NRG1: variants seen among roughly 807,000 people sequenced by gnomAD.
The protein encoded by NRG1 is neuregulin 1.
A neutral mutation model predicts 63.8 loss-of-function variants in NRG1; 18 were observed. The observed-to-expected ratio is 0.28, with a 90% CI of 0.19 to 0.42. The LOEUF is 0.42. Among genes scored for constraint, NRG1 ranks in the 10% least tolerant of loss-of-function variants. The pLI, the probability that NRG1 is intolerant of heterozygous loss-of-function variation, is 1.00. For missense variants in NRG1, 762 were observed against 814.7 expected, an observed-to-expected ratio of 0.94 and a Z score of 0.79; for synonymous variants, 302 against 301.3, an observed-to-expected ratio of 1.00 and a Z score of -0.02.
At chr8:32,352,479 C>CTTTTCTTTGAGAA (rs1805736045) in intron 1 of NRG1, among the ~76,000 whole-genome samples, 1 of 149,210 alleles carries the variant, frequency 6.7e-6, no homozygotes, top group Non-Finnish European at 1.5e-5. Context: ...CTAAAGCCTT[C>CTTTTCTTTGAGAA]AAGACCCAAA....
At chr8:32,190,993 C>T (rs1842438419) in intron 1 of NRG1, among the ~76,000 whole-genome samples, 4 of 152,174 alleles carry the variant, frequency 2.6e-5, no homozygotes, top group Admixed American at 2.6e-4. Flanking sequence ...CATCCATTTG[C>T]TCCAGTTGGA....
intron 1 of NRG1, among the ~76,000 whole-genome samples, chr8:31,708,917 T>G (rs1210602209): frequency 6.6e-6 from 1 of 152,200 alleles, no homozygotes; most frequent in Non-Finnish European, 1.5e-5. Flanking sequence ...CACCAAAAAC[T>G]TAAGTACTAA....
At chr8:32,099,951 T>G (rs1830357859) in intron 1 of NRG1, among the ~76,000 whole-genome samples, 1 of 152,072 alleles carries the variant, frequency 6.6e-6, no homozygotes, top group Non-Finnish European at 1.5e-5. Flanking sequence ...CTGGAGGGGC[T>G]AACAGAGTAT....
At chr8:32,754,471 C>T (rs1230519077) in exon 8 of NRG1, 1 of 1,613,668 alleles carries the variant, frequency 6.2e-7, no homozygotes. Flanking sequence ...TACTGCAAAA[C>T]CAAGTAAACC....
chr8:32,047,848 A>T (rs546007508), intron 1 of NRG1, among the ~76,000 whole-genome samples: 1 of 151,982 alleles, frequency 6.6e-6, no homozygotes, highest in South Asian at 2.1e-4. Flanking sequence ...TGGTACAATA[A>T]ATATCTGTAA....
intron 1 of NRG1, among the ~76,000 whole-genome samples, chr8:31,707,909 G>T (rs1032373912): frequency 1.3e-5 from 2 of 152,120 alleles, no homozygotes; most frequent in Admixed American, 6.6e-5. Flanking sequence ...TAATTTGGTT[G>T]TAACTCGTCT....
At chr8:32,318,286 A>AT (rs1277836678) in intron 1 of NRG1, among the ~76,000 whole-genome samples, 1 of 152,034 alleles carries the variant, frequency 6.6e-6, no homozygotes, top group Non-Finnish European at 1.5e-5. Context: ...GAATTTCATT[A>AT]TTTTTTCTTG....
intron 1 of NRG1, among the ~76,000 whole-genome samples, chr8:31,710,193 G>A (rs1811601672): frequency 1.3e-5 from 2 of 151,648 alleles, no homozygotes; most frequent in African/African-American, 2.4e-5. Context: ...AAATTACCAT[G>A]AGAAAATTTT....
chr8:32,159,490 C>T (rs957369445), intron 1 of NRG1, among the ~76,000 whole-genome samples: 4 of 146,948 alleles, frequency 2.7e-5, no homozygotes, highest in African/African-American at 5.2e-5. Flanking sequence ...GCCGAGATTG[C>T]GCCACTGCAG....
chr8:32,287,914 T>G (rs1017745481), intron 1 of NRG1, among the ~76,000 whole-genome samples: 3 of 152,212 alleles, frequency 2.0e-5, no homozygotes, highest in Non-Finnish European at 4.4e-5. Flanking sequence ...TGACAATTTC[T>G]GAAGGAAATA....
At chr8:32,225,926 C>A (rs965157089) in intron 1 of NRG1, among the ~76,000 whole-genome samples, 1 of 152,076 alleles carries the variant, frequency 6.6e-6, no homozygotes, top group Non-Finnish European at 1.5e-5. Flanking sequence ...TTATTTTTAG[C>A]TCTCCTGAGT....
At chr8:32,524,927 G>A (rs1181508256) in intron 1 of NRG1, among the ~76,000 whole-genome samples, 18 of 152,096 alleles carry the variant, frequency 1.2e-4, no homozygotes, top group Non-Finnish European at 1.5e-5. Flanking sequence ...ATTTATCAAC[G>A]AAATCACTGG....
chr8:32,696,267 C>T (rs1042383151), intron 5 of NRG1, among the ~76,000 whole-genome samples: 2 of 152,164 alleles, frequency 1.3e-5, no homozygotes, highest in Non-Finnish European at 2.9e-5. Context: ...TGTTATGATC[C>T]TTTTCACTTT....
intron 1 of NRG1, among the ~76,000 whole-genome samples, chr8:32,038,504 A>G (rs1353707479): frequency 6.6e-6 from 1 of 152,054 alleles, no homozygotes; most frequent in Non-Finnish European, 1.5e-5. Flanking sequence ...ATATGAAAGT[A>G]TGTATCATGG....
intron 1 of NRG1, among the ~76,000 whole-genome samples, chr8:31,845,142 T>TAAATAAATAAAA (rs1554550182): frequency 6.6e-6 from 1 of 151,630 alleles, no homozygotes; most frequent in Non-Finnish European, 1.5e-5. Flanking sequence ...AATAAATAAA[T>TAAATAAATAAAA]AAAACAGCAA....
Position 32,608,332 on chromosome 8 carries a change from G to A in NRG1, c.400+2649G>A, listed in dbSNP as rs115265777. Among the ~76,000 whole-genome samples, 1,048 of 150,860 alleles carry A rather than the reference G, an allele frequency of 6.9e-3. 13 individuals are homozygous for A. The highest frequency in any genetic ancestry group is 0.024 in the African/African-American group (978 of 41,080). On this transcript the variant is annotated intron_variant, in intron 3 of 11. Transcript: ENST00000356819. ...TAGCCAGGTGCATGCCATTACGCCT[G>A]GCTAATTAAAAAAAAAAAATTTTGT...
At chr8:32,509,496 G>A (rs1434361916) in intron 1 of NRG1, among the ~76,000 whole-genome samples, 1 of 152,192 alleles carries the variant, frequency 6.6e-6, no homozygotes, top group Non-Finnish European at 1.5e-5. Flanking sequence ...AGTGTCGGCA[G>A]CCTGAGGAGG....
At chr8:32,609,345 T>G (rs1054991564) in intron 3 of NRG1, among the ~76,000 whole-genome samples, 2 of 152,108 alleles carry the variant, frequency 1.3e-5, no homozygotes, top group African/African-American at 4.8e-5. Flanking sequence ...TCTCCGGGGC[T>G]TAGATGCACT....
chr8:32,224,061 C>T (rs1846084804), intron 1 of NRG1, among the ~76,000 whole-genome samples: 1 of 152,148 alleles, frequency 6.6e-6, no homozygotes, highest in Non-Finnish European at 1.5e-5. Flanking sequence ...CACCCTGTGA[C>T]TGCAAAATGA....
Sources: gnomAD v4.1 joint callset for allele counts (sites outside exome capture counted in the v4.1 genomes callset) on GRCh38, gnomAD v4.1.1 for gene constraint, MANE v1.5 for transcripts, NCBI Gene and HGNC (gene_info 2026-07-23, HGNC 2026-07-21) for gene names.